Variants in CARMIL1 observed in about 807,000 individuals in gnomAD.
CARMIL1 encodes the protein capping protein regulator and myosin 1 linker 1.
A neutral mutation model predicts 177.1 loss-of-function variants in CARMIL1; 90 were observed. The ratio of observed to expected loss-of-function variants is 0.51; its 90% CI spans 0.43 to 0.61. CARMIL1 has a LOEUF of 0.61. Ranked by LOEUF, CARMIL1 falls within the 20% of genes least tolerant of loss-of-function variation. CARMIL1 has a pLI of 0.00. For missense variants in CARMIL1, 1,380 were observed against 1,667.0 expected (o/e 0.83, Z 3.00); for synonymous variants, 577 against 606.2 (o/e 0.95, Z 0.71).
At chr6:25,469,793 G>C (rs1429903101) in intron 9 of CARMIL1, among the ~76,000 whole-genome samples, 1 of 152,078 alleles carries the variant, frequency 6.6e-6, no homozygotes, top group Admixed American at 6.5e-5. Context: ...TTGAACTCTT[G>C]AGCTCAAGTA....
intron 2 of CARMIL1, among the ~76,000 whole-genome samples, chr6:25,365,980 T>C (rs990967087): frequency 1.3e-5 from 2 of 152,148 alleles, no homozygotes; most frequent in Admixed American, 1.3e-4. Context: ...TTCTCTTCTT[T>C]CAGTGTCCAT....
At chr6:25,546,000 G>A (rs1172189869) in intron 26 of CARMIL1, among the ~76,000 whole-genome samples, 1 of 152,130 alleles carries the variant, frequency 6.6e-6, no homozygotes, top group Non-Finnish European at 1.5e-5. Context: ...TAGCAGTAAG[G>A]GTCATGATGC....
chr6:25,403,588 C>G (rs1413749681), intron 2 of CARMIL1, among the ~76,000 whole-genome samples: 3 of 152,218 alleles, frequency 2.0e-5, no homozygotes, highest in Non-Finnish European at 4.4e-5. Flanking sequence ...TCAATTGCTG[C>G]AGGCATATTC....
chr6:25,328,446 CTG>C (rs771779337), intron 2 of CARMIL1, among the ~76,000 whole-genome samples: 2 of 152,286 alleles, frequency 1.3e-5, no homozygotes, highest in East Asian at 1.9e-4. Context: ...AGCATGAGCT[CTG>C]TGGACATTTC....
rs1422665379 is a variant in CARMIL1, at chr6:25,581,382, A to T, written c.2949A>T (p.Glu983Asp). Residue 983 changes from glutamate to aspartate, a missense_variant, in exon 31 of 37, where the codon GAA (glutamate) becomes GAT (aspartate). Transcript: ENST00000329474. ...CCTCTGAAGAGGGGAAGAAGCTGGA[A>T]CACTTTACCAAGTTAAGGCCAAAAA... ...ELPSEEGKKL[E>D]HFTKLRPKRN... The T allele has an allele frequency of 6.2e-7, 1 of 1,613,508 alleles. No individual in the cohort carries two copies. Among genetic ancestry groups the T allele is most frequent in the African/African-American group, 1.3e-5 (1 of 74,886 alleles).
chr6:25,539,574 G>T (rs1808683402), intron 25 of CARMIL1, among the ~76,000 whole-genome samples: 1 of 133,590 alleles, frequency 7.5e-6, no homozygotes, highest in Non-Finnish European at 1.5e-5. Flanking sequence ...GCAGTGAGCT[G>T]AGATCGCGCC....
In CARMIL1 at chr6:25,522,016, C is replaced by T. The variant is rs567677930; in HGVS notation, c.1968+1679C>T. Among the ~76,000 whole-genome samples, 120 of 152,258 alleles carry T rather than the reference C, an allele frequency of 7.9e-4. 2 individuals carry two copies. Among genetic ancestry groups the T allele is most frequent in the South Asian group, 3.1e-3 (15 of 4,824 alleles). On this transcript the variant is annotated intron_variant, in intron 23 of 36. Transcript: ENST00000329474. ...GTTGCTCAGATCACAGTGTTACCAC[C>T]TTCCATCTAGTGTTCCAAAGTTGAC... is the stretch of plus-strand genomic sequence containing the variant.
intron 23 of CARMIL1, among the ~76,000 whole-genome samples, chr6:25,521,586 G>C (rs958408981): frequency 6.6e-6 from 1 of 151,988 alleles, no homozygotes; most frequent in African/African-American, 2.4e-5. Context: ...TGGCTAACAC[G>C]GTGAAACCCC....
rs538527008 is a variant in CARMIL1 at position 25,551,227 on chromosome 6, A to T, written c.2504+142A>T. ...ATAGGCAGAAACTGTATATAAATAT[A>T]ACTGTGCATAAATGCATAAGTTTTA... On this transcript the variant is annotated intron_variant, in intron 27 of 36. Coordinates refer to ENST00000329474, the MANE Select transcript of CARMIL1 (RefSeq NM_017640.6). 41 of 632,158 alleles carry T rather than the reference A, an allele frequency of 6.5e-5. No individual in the cohort carries two copies. The East Asian group carries it at 1.1e-3, about 17-fold the overall frequency. The allele number at this position is 632,158 out of a possible 1,614,324, so 39.2% of individuals were successfully genotyped here.
intron 2 of CARMIL1, among the ~76,000 whole-genome samples, chr6:25,341,702 C>T (rs1254871439): frequency 2.6e-5 from 4 of 152,194 alleles, no homozygotes; most frequent in African/African-American, 4.8e-5. Flanking sequence ...GGCAATAGAG[C>T]GAGACTCTGT....
intron 32 of CARMIL1, among the ~76,000 whole-genome samples, chr6:25,596,634 T>C (rs903033739): frequency 6.6e-6 from 1 of 152,216 alleles, no homozygotes; most frequent in African/African-American, 2.4e-5. Flanking sequence ...GTGTCTCTTA[T>C]CTGAAATGCT....
intron 2 of CARMIL1, among the ~76,000 whole-genome samples, chr6:25,390,560 A>C (rs1792702322): frequency 6.6e-6 from 1 of 151,704 alleles, no homozygotes; most frequent in Non-Finnish European, 1.5e-5. Flanking sequence ...GGGCTCAAGC[A>C]ATCTGCCTGC....
chr6:25,447,968 G>C (rs1488355026), intron 5 of CARMIL1, among the ~76,000 whole-genome samples: 1 of 151,954 alleles, frequency 6.6e-6, no homozygotes, highest in African/African-American at 2.4e-5. Context: ...CCTGCATCCT[G>C]CAGCAAGCCA....
rs573513472 is a variant in CARMIL1, at chr6:25,509,627, T to G, written c.1396-29T>G. 1.2e-4 allele frequency: 185 copies of G among 1,498,032 alleles called. 3 individuals carry two copies. The South Asian group carries it at 2.1e-3, about 17-fold the overall frequency. 92.8% of individuals were successfully genotyped at this position (1,498,032 alleles called of 1,614,324 possible). A position where few individuals can be genotyped will look rare whatever the true frequency, so the allele number is the denominator to read the frequency against. On this transcript the variant is annotated intron_variant, in intron 17 of 36. Transcript: ENST00000329474. The surrounding 1 kb of genome is among the most constrained non-coding windows in gnomAD (Gnocchi z 4.1). ...TACATCTCCAGTAGAGTGAAGACTT[T>G]ACTTTGTGTTTGGTTTGTGTTTCTC... is the stretch of plus-strand genomic sequence containing the variant.
rs1812677088 is a variant in CARMIL1, at chr6:25,577,238, TG to T, written c.2743-3685del. On this transcript the variant is annotated intron_variant, in intron 29 of 36. Transcript: ENST00000329474. This position sits in a 1 kb window ranked among gnomAD's most constrained non-coding sequence, Gnocchi z 4.5. ...ATGTGCCTGAAAGCAAGCAGAGTGTTGATGAAGAGGATACAAACATTCAAGA... is the reference window on the plus strand; with the variant it reads ...ATGTGCCTGAAAGCAAGCAGAGTGTTATGAAGAGGATACAAACATTCAAGA... 3 of 435,888 alleles carry T rather than the reference TG, an allele frequency of 6.9e-6. No individual in the cohort carries two copies. Among genetic ancestry groups the T allele is most frequent in the African/African-American group, 6.4e-5 (3 of 46,576 alleles). The allele number at this position is 435,888 out of a possible 1,614,324, so 27.0% of individuals were successfully genotyped here.
chr6:25,598,684 AC>A (rs1377346310), intron 32 of CARMIL1, among the ~76,000 whole-genome samples: 1 of 151,914 alleles, frequency 6.6e-6, no homozygotes, highest in Non-Finnish European at 1.5e-5. Context: ...TTCTGCTATC[AC>A]ATTTTGCTAT....
chr6:25,337,514 G>A (rs1264380790), intron 2 of CARMIL1, among the ~76,000 whole-genome samples: 1 of 152,180 alleles, frequency 6.6e-6, no homozygotes, highest in East Asian at 1.9e-4. Flanking sequence ...TAATTGTCTT[G>A]TCACACAATG....
rs969399430 is a variant in CARMIL1, at chr6:25,537,783, G to A, written c.2068-72G>A. 1.4e-5 allele frequency: 22 copies of A among 1,572,414 alleles called. No homozygotes were observed. The South Asian group carries it at 1.8e-4, about 13-fold the overall frequency. On this transcript the variant is annotated intron_variant, in intron 24 of 36. Transcript: ENST00000329474. ...GCTGAAGTTTTTTTCATACTCCTTC[G>A]TTCTGTGTTTCCTTCTATCTGAATA...
chr6:25,527,835 G>T (rs1554218054), intron 23 of CARMIL1, among the ~76,000 whole-genome samples: 1 of 152,164 alleles, frequency 6.6e-6, no homozygotes, highest in African/African-American at 2.4e-5. Flanking sequence ...TATGGAAAAT[G>T]AAAATTAAAA....
Sources: allele counts gnomAD v4.1 joint callset (sites outside exome capture counted in the v4.1 genomes callset), GRCh38; gene constraint gnomAD v4.1.1; non-coding constraint Gnocchi (gnomAD v3.1); transcripts MANE v1.5; gene names NCBI Gene and HGNC (gene_info 2026-07-23, HGNC 2026-07-21).